The following ASIC2 variants were observed in gnomAD, a reference collection of about 807,000 sequenced individuals.
ASIC2 encodes the protein acid-sensing ion channel 2.
In ASIC2, 25 loss-of-function variants were observed where a neutral mutation model predicts 57.3. The ratio of observed to expected loss-of-function variants is 0.44; its 90% CI spans 0.32 to 0.61. The LOEUF is 0.61. Among genes scored for constraint, ASIC2 ranks in the 20% least tolerant of loss-of-function variants. The probability of loss-of-function intolerance (pLI) is 0.06; values close to 1 mark genes in which losing one functional copy is unlikely to be tolerated. For synonymous variants in ASIC2, 319 were observed against 307.5 expected, an observed-to-expected ratio of 1.04 and a Z score of -0.39; for missense variants, 641 against 738.1, an observed-to-expected ratio of 0.87 and a Z score of 1.52.
intron 1 of ASIC2, among the ~76,000 whole-genome samples, chr17:33,214,227 A>G: frequency 6.6e-6 from 1 of 151,826 alleles, no homozygotes; most frequent in Non-Finnish European, 1.5e-5. Flanking sequence ...TGTCAGCATG[A>G]TATGGGGTCA....
chr17:34,121,857 TAACA>T (rs1911630367), intron 1 of ASIC2, among the ~76,000 whole-genome samples: 1 of 152,236 alleles, frequency 6.6e-6, no homozygotes, highest in African/African-American at 2.4e-5. Context: ...CTTGTTCACA[TAACA>T]AACATTTACT....
intron 1 of ASIC2, among the ~76,000 whole-genome samples, chr17:33,690,519 T>C (rs1908329230): frequency 6.6e-6 from 1 of 152,166 alleles, no homozygotes; most frequent in Non-Finnish European, 1.5e-5. Context: ...AGTTCCAATA[T>C]GCAAGCTCTT....
At chr17:33,833,513 C>T (rs200186794) in intron 1 of ASIC2, among the ~76,000 whole-genome samples, 38 of 149,180 alleles carry the variant, frequency 2.5e-4, no homozygotes, top group Non-Finnish European at 2.5e-4. Context: ...TGTGTATGTG[C>T]GTGTGTGTGT....
At chr17:33,354,898 C>T (rs1908318471) in intron 1 of ASIC2, among the ~76,000 whole-genome samples, 1 of 152,300 alleles carries the variant, frequency 6.6e-6, no homozygotes, top group South Asian at 2.1e-4. Context: ...TTTCCATGTC[C>T]AGCAGAGAGC....
intron 1 of ASIC2, among the ~76,000 whole-genome samples, chr17:34,047,532 A>AAAAAC (rs1908384899): frequency 1.3e-5 from 2 of 150,466 alleles, no homozygotes; most frequent in African/African-American, 4.9e-5. Context: ...AAAAAAAAAA[A>AAAAAC]AGACTGGAGT....
chr17:33,267,890 T>G (rs1909528879), intron 1 of ASIC2, among the ~76,000 whole-genome samples: 1 of 152,178 alleles, frequency 6.6e-6, no homozygotes, highest in Non-Finnish European at 1.5e-5. Flanking sequence ...TTCCCTCTGA[T>G]GTGGGTGGTG....
chr17:34,083,027 T>A (rs1014805504), intron 1 of ASIC2, among the ~76,000 whole-genome samples: 1 of 152,154 alleles, frequency 6.6e-6, no homozygotes, highest in Non-Finnish European at 1.5e-5. Flanking sequence ...TGCTATTTTT[T>A]TTTTATCATT....
chr17:33,209,363 G>GA (rs374711675), intron 1 of ASIC2, among the ~76,000 whole-genome samples: 106 of 150,926 alleles, frequency 7.0e-4, no homozygotes, highest in African/African-American at 2.3e-3. Flanking sequence ...CCTTGTGGGG[G>GA]AAAAAAAAAC....
intron 1 of ASIC2, among the ~76,000 whole-genome samples, chr17:33,437,624 C>T (rs867956540): frequency 4.6e-5 from 7 of 151,946 alleles, no homozygotes; most frequent in African/African-American, 7.3e-5. Flanking sequence ...AGTGAAACCT[C>T]GTCTCTACTA....
At chr17:33,423,120 A>G (rs1168669381) in intron 1 of ASIC2, among the ~76,000 whole-genome samples, 1 of 152,204 alleles carries the variant, frequency 6.6e-6, no homozygotes, top group Non-Finnish European at 1.5e-5. Context: ...GTTGTGATGC[A>G]TGTTGGCCTC....
At chr17:33,585,942 C>T (rs894325698) in intron 1 of ASIC2, among the ~76,000 whole-genome samples, 8 of 152,098 alleles carry the variant, frequency 5.3e-5, no homozygotes, top group South Asian at 4.1e-4. Context: ...CTTTTTGGAG[C>T]GTAGTGCCAC....
At chr17:33,925,359 C>G (rs1915802532) in intron 1 of ASIC2, among the ~76,000 whole-genome samples, 1 of 152,238 alleles carries the variant, frequency 6.6e-6, no homozygotes, top group African/African-American at 2.4e-5. Context: ...AATGGTAACC[C>G]AGAAATCACT....
At chr17:33,834,898 T>C (rs909072165) in intron 1 of ASIC2, among the ~76,000 whole-genome samples, 1 of 152,146 alleles carries the variant, frequency 6.6e-6, no homozygotes, top group Non-Finnish European at 1.5e-5. Flanking sequence ...TTTGGAGGAC[T>C]ACACCTAGGA....
intron 1 of ASIC2, among the ~76,000 whole-genome samples, chr17:33,402,751 C>T (rs60424288): frequency 0.023 from 3,443 of 152,128 alleles, 140 homozygotes; most frequent in African/African-American, 0.077. Flanking sequence ...TGAACATACG[C>T]GTGTACGTAT....
chr17:33,927,661 C>G (rs575959675), intron 1 of ASIC2, among the ~76,000 whole-genome samples: 1 of 152,136 alleles, frequency 6.6e-6, no homozygotes, highest in Non-Finnish European at 1.5e-5. Flanking sequence ...AGAATTAAGA[C>G]ACTATTATTT....
intron 1 of ASIC2, among the ~76,000 whole-genome samples, chr17:33,487,303 G>A (rs1053092975): frequency 6.6e-6 from 1 of 152,140 alleles, no homozygotes; most frequent in African/African-American, 2.4e-5. Flanking sequence ...TCCCAGCAAG[G>A]TGACTAGGAA....
intron 1 of ASIC2, among the ~76,000 whole-genome samples, chr17:33,359,805 G>T (rs959338): frequency 0.99 from 150,267 of 152,302 alleles, 74,147 homozygotes; most frequent in South Asian, 1. Context: ...GCAGGCATCT[G>T]GGGCTATGAA....
chr17:33,028,203 G>C, intron 4 of ASIC2, 39 bp downstream of exon 4: 2 of 1,456,872 alleles, frequency 1.4e-6, no homozygotes, highest in South Asian at 1.2e-5. Flanking sequence ...GTCCCAGGCA[G>C]ATCCCAGGGC....
intron 1 of ASIC2, among the ~76,000 whole-genome samples, chr17:33,198,542 T>C (rs565552807): frequency 5.9e-5 from 9 of 152,354 alleles, no homozygotes; most frequent in Admixed American, 3.9e-4. Flanking sequence ...GGTTTCAACC[T>C]GTCCTGCCAC....
Sources: allele counts gnomAD v4.1 joint callset (sites outside exome capture counted in the v4.1 genomes callset), GRCh38; gene constraint gnomAD v4.1.1; transcripts MANE v1.5; gene names NCBI Gene and HGNC (gene_info 2026-07-23, HGNC 2026-07-21).